Variants in OLFM3 observed in about 807,000 individuals in gnomAD.
OLFM3 encodes olfactomedin 3, also known as noelin-3.
OLFM3 carries 20 observed loss-of-function variants against 48.6 expected under a neutral mutation model. That is an observed-to-expected ratio of 0.41 (90% confidence interval 0.29 to 0.60). The LOEUF (loss-of-function observed/expected upper bound fraction) is 0.60. OLFM3 is among the 20% of genes least tolerant of loss of function. The pLI, the probability that OLFM3 is intolerant of heterozygous loss-of-function variation, is 0.28. For missense variants in OLFM3, 437 were observed against 544.3 expected (o/e 0.80, Z 1.96); for synonymous variants, 222 against 198.1 (o/e 1.12, Z -1.01).
chr1:101,830,860 A>G (rs1655115278), intron 2 of OLFM3, 33 bp from the exon 3 acceptor site: 2 of 1,593,872 alleles, frequency 1.3e-6, no homozygotes, highest in Admixed American at 1.8e-5. Flanking sequence ...GTACATTATT[A>G]TCTGTTTGCA....
At chr1:101,986,335 G>A (rs1303432900) in intron 1 of OLFM3, among the ~76,000 whole-genome samples, 1 of 151,982 alleles carries the variant, frequency 6.6e-6, no homozygotes, top group Non-Finnish European at 1.5e-5. Flanking sequence ...AGCATTTGGT[G>A]GTTCAACATA....
chr1:101,853,950 G>C (rs577342693), intron 1 of OLFM3, among the ~76,000 whole-genome samples: 1 of 151,908 alleles, frequency 6.6e-6, no homozygotes, highest in Admixed American at 6.6e-5. Flanking sequence ...TAAGCTTCAC[G>C]GGTCACTGGA....
chr1:101,805,027 C>G, intron 5 of OLFM3, 112 bp from the exon 6 acceptor site: 1 of 824,534 alleles, frequency 1.2e-6, no homozygotes, highest in Non-Finnish European at 1.9e-6. Context: ...GCTCTGGAAG[C>G]CACACTATCT....
chr1:101,920,115 T>C (rs1659048371), intron 1 of OLFM3, among the ~76,000 whole-genome samples: 1 of 152,230 alleles, frequency 6.6e-6, no homozygotes, highest in Non-Finnish European at 1.5e-5. Context: ...TCACTTAGAT[T>C]ATTTCCCTGA....
intron 1 of OLFM3, among the ~76,000 whole-genome samples, chr1:101,994,552 A>T (rs1241257378): frequency 6.7e-6 from 1 of 149,316 alleles, no homozygotes; most frequent in Non-Finnish European, 1.5e-5. Flanking sequence ...TGAGGACACA[A>T]TGGTGCCATC....
intron 1 of OLFM3, among the ~76,000 whole-genome samples, chr1:101,842,044 G>T (rs186850382): frequency 6.6e-6 from 1 of 152,116 alleles, no homozygotes; most frequent in Admixed American, 6.6e-5. Context: ...GACAGACCAC[G>T]CCAAAAGAAG....
chr1:101,987,606 CT>C (rs1330267466), intron 1 of OLFM3, among the ~76,000 whole-genome samples: 2 of 152,066 alleles, frequency 1.3e-5, no homozygotes. Flanking sequence ...GAGATGGCAT[CT>C]TTTGTAAGTC....
At chr1:101,886,889 T>C (rs574097355) in intron 1 of OLFM3, among the ~76,000 whole-genome samples, 2 of 152,114 alleles carry the variant, frequency 1.3e-5, no homozygotes, top group Non-Finnish European at 2.9e-5. Flanking sequence ...TCATCTCCTA[T>C]GACAGGCTCT....
intron 1 of OLFM3, chr1:101,893,225 T>C: frequency 3.4e-6 from 1 of 293,718 alleles, no homozygotes; most frequent in Admixed American, 3.8e-5. Flanking sequence ...ATGTGCTTTG[T>C]GACAGGTGTG....
chr1:101,878,636 T>C (rs1657395624), intron 1 of OLFM3, among the ~76,000 whole-genome samples: 1 of 151,778 alleles, frequency 6.6e-6, no homozygotes, highest in South Asian at 2.1e-4. Flanking sequence ...CGGGAAGCCA[T>C]TACCTGTGAG....
intron 1 of OLFM3, among the ~76,000 whole-genome samples, chr1:101,952,387 A>G (rs1227928274): frequency 6.6e-6 from 1 of 152,100 alleles, no homozygotes; most frequent in Non-Finnish European, 1.5e-5. Flanking sequence ...AGTACTGAAT[A>G]CAATTTTATT....
At position 101,958,716 on chromosome 1, in the gene OLFM3, A is replaced by AT. The variant is rs537748966; in HGVS notation, c.69+38031dup. On this transcript the variant is annotated intron_variant, in intron 1 of 5. Transcript: ENST00000370103. ...GAGAGTGGATTCTTGAGTTAAAGTGATTTTTTTTTCCTCTCAAATAGAGTG... is the reference window on the plus strand; with the variant it reads ...GAGAGTGGATTCTTGAGTTAAAGTGATTTTTTTTTTCCTCTCAAATAGAGTG... Among the ~76,000 whole-genome samples the AT allele has an allele frequency of 5.9e-4, 89 of 150,808 alleles. 2 individuals carry two copies. The South Asian group carries it at 6.9e-3, about 12-fold the overall frequency.
At chr1:101,985,453 A>C (rs1661209260) in intron 1 of OLFM3, among the ~76,000 whole-genome samples, 1 of 152,236 alleles carries the variant, frequency 6.6e-6, no homozygotes, top group African/African-American at 2.4e-5. Flanking sequence ...GGTGTAACTC[A>C]ATATAAAAAG....
chr1:101,865,137 CATGGACTT>C (rs1656806122), intron 1 of OLFM3, among the ~76,000 whole-genome samples: 1 of 152,010 alleles, frequency 6.6e-6, no homozygotes, highest in East Asian at 1.9e-4. Flanking sequence ...CCATTTGTAC[CATGGACTT>C]TCTGAGTGGT....
In OLFM3 at chr1:101,846,555, A is replaced by T. The variant is rs146724040; in HGVS notation, c.70-9530T>A. ...AGAAACAAAACATATATATATATATATTTTTAAGAATTGCCCAAGCTTCCA... is the reference window on the plus strand; with the variant it reads ...AGAAACAAAACATATATATATATATTTTTTTAAGAATTGCCCAAGCTTCCA... On this transcript the variant is annotated intron_variant, in intron 1 of 5. Coordinates refer to ENST00000370103, the MANE Select transcript of OLFM3 (RefSeq NM_058170.4). 5.9e-3 allele frequency among the ~76,000 whole-genome samples: 894 copies of T among 151,994 alleles called. 9 individuals are homozygous for T. The highest frequency in any genetic ancestry group is 0.02 in the African/African-American group (832 of 41,514).
chr1:101,862,824 A>AT (rs1656708217), intron 1 of OLFM3, among the ~76,000 whole-genome samples: 1 of 152,202 alleles, frequency 6.6e-6, no homozygotes, highest in Non-Finnish European at 1.5e-5. Context: ...TCAATACATA[A>AT]ACTATTCCCA....
chr1:101,891,014 A>G (rs1329777009), intron 1 of OLFM3, among the ~76,000 whole-genome samples: 1 of 151,916 alleles, frequency 6.6e-6, no homozygotes, highest in Non-Finnish European at 1.5e-5. Flanking sequence ...ATAATCTGGG[A>G]ATTCAATTTA....
chr1:101,912,061 C>A (rs576037687), intron 1 of OLFM3, among the ~76,000 whole-genome samples: 7 of 152,138 alleles, frequency 4.6e-5, no homozygotes, highest in African/African-American at 1.4e-4. Context: ...GGGGGTTTAT[C>A]GAGCATCTCT....
chr1:101,908,541 AT>A (rs1305363112), intron 1 of OLFM3, among the ~76,000 whole-genome samples: 1 of 152,216 alleles, frequency 6.6e-6, no homozygotes, highest in Non-Finnish European at 1.5e-5. Context: ...GGTTGTCACA[AT>A]GAGGCATAAC....
Sources: allele counts gnomAD v4.1 joint callset (sites outside exome capture counted in the v4.1 genomes callset), GRCh38; gene constraint gnomAD v4.1.1; transcripts MANE v1.5; gene names NCBI Gene and HGNC (gene_info 2026-07-23, HGNC 2026-07-21).